The following NASP variants were observed in gnomAD, a reference collection of about 807,000 sequenced individuals.
NASP encodes the protein NASP histone chaperone.
A neutral mutation model predicts 89.5 loss-of-function variants in NASP; 24 were observed. The ratio of observed to expected loss-of-function variants is 0.27; its 90% CI spans 0.19 to 0.38. The LOEUF (loss-of-function observed/expected upper bound fraction) is 0.38. Ranked by LOEUF, NASP falls within the 10% of genes least tolerant of loss-of-function variation. The probability of loss-of-function intolerance (pLI) is 1.00; values close to 1 mark genes in which losing one functional copy is unlikely to be tolerated. For missense variants in NASP, 848 were observed against 921.4 expected (o/e 0.92, Z 1.03); for synonymous variants, 306 against 324.7 (o/e 0.94, Z 0.62).
Position 45,584,464 on chromosome 1 carries a change from T to A in NASP, c.59+259T>A, listed in dbSNP as rs930918706. On this transcript the variant is annotated intron_variant, in intron 1 of 14. Transcript: ENST00000350030. ...ATCTTGCCGGGGGCAGCGGCGGCTG[T>A]ATCCTTCGCCTGCCCCTCTCCTTCC... Among the ~76,000 whole-genome samples, 76 of 152,254 alleles carry A rather than the reference T, an allele frequency of 5.0e-4. 1 individual carries two copies. Among genetic ancestry groups the A allele is most frequent in the Admixed American group, 1.0e-3 (16 of 15,298 alleles).
chr1:45,605,066 C>G, intron 4 of NASP, 50 bp downstream of exon 4: 1 of 1,409,580 alleles, frequency 7.1e-7, no homozygotes, highest in Non-Finnish European at 1.0e-6. Context: ...AGATTGTTTA[C>G]TAGCTTTGAG....
At position 45,617,581 on chromosome 1, in the gene NASP, T is replaced by TGGA. The variant is rs773590031; in HGVS notation, c.2285_2286+1dup. On this transcript the variant is annotated inframe_insertion, in exon 14 of 15. Coordinates refer to ENST00000350030, the MANE Select transcript of NASP (RefSeq NM_002482.4). ...AGTGGAAATGAAGTTTCGGAAAACA[T>TGGA]GGAGGAGGAGGTGGGCAGTTAAGCA... 4.4e-6 allele frequency: 7 copies of TGGA among 1,592,566 alleles called. No homozygotes were observed. Among genetic ancestry groups the TGGA allele is most frequent in the Non-Finnish European group, 5.1e-6 (6 of 1,172,084 alleles).
chr1:45,606,919 C>G (rs920040259), intron 5 of NASP, among the ~76,000 whole-genome samples: 1 of 152,040 alleles, frequency 6.6e-6, no homozygotes, highest in Non-Finnish European at 1.5e-5. Context: ...TTTTAAACAG[C>G]CTGTGCAGTT....
At chr1:45,612,545 T>TA (rs1644033048) in intron 6 of NASP, 1 of 152,228 alleles carries the variant, frequency 6.6e-6, no homozygotes, top group African/African-American at 2.4e-5. Flanking sequence ...CTGCAGATTT[T>TA]AGAGGTGTCA....
At chr1:45,598,851 GTAA>G (rs1046851512) in intron 2 of NASP, among the ~76,000 whole-genome samples, 3 of 152,076 alleles carry the variant, frequency 2.0e-5, no homozygotes, top group African/African-American at 7.2e-5. Flanking sequence ...TAAAGTGGGG[GTAA>G]TAATTCAATA....
At chr1:45,601,990 G>A (rs540200714) in intron 2 of NASP, among the ~76,000 whole-genome samples, 1 of 151,982 alleles carries the variant, frequency 6.6e-6, no homozygotes, top group Non-Finnish European at 1.5e-5. Flanking sequence ...CTGACCTCGT[G>A]GTCTGCCCGC....
At chr1:45,598,044 A>AC (rs1222550067) in intron 2 of NASP, among the ~76,000 whole-genome samples, 2 of 152,064 alleles carry the variant, frequency 1.3e-5, no homozygotes, top group African/African-American at 4.8e-5. Context: ...GTTTTTCTCT[A>AC]CCATTCTACT....
At chr1:45,586,697 AAG>A in intron 1 of NASP, among the ~76,000 whole-genome samples, 1 of 152,292 alleles carries the variant, frequency 6.6e-6, no homozygotes, top group Non-Finnish European at 1.5e-5. Flanking sequence ...CTTAGAGGTA[AAG>A]TTTATAAGGT....
chr1:45,591,152 ATTTAT>A (rs1420045420), intron 1 of NASP, 66 bp from the exon 2 acceptor site: 11 of 926,274 alleles, frequency 1.2e-5, no homozygotes, highest in African/African-American at 3.5e-5. Context: ...ATTTTTCTGA[ATTTAT>A]TTTATTTTCA....
chr1:45,598,429 T>C (rs1221083007), intron 2 of NASP, among the ~76,000 whole-genome samples: 1 of 152,190 alleles, frequency 6.6e-6, no homozygotes, highest in Non-Finnish European at 1.5e-5. Context: ...TTCTTGTCTC[T>C]TTTCCTTCAC....
At chr1:45,608,527 T>G (rs1332651326) in intron 6 of NASP, 190 bp downstream of exon 6, 18 of 619,470 alleles carry the variant, frequency 2.9e-5, no homozygotes, top group East Asian at 2.0e-4. Flanking sequence ...GCAGCAAGTC[T>G]TCTTTAGCTG....
At chr1:45,595,670 T>C (rs1643678377) in intron 2 of NASP, among the ~76,000 whole-genome samples, 1 of 152,234 alleles carries the variant, frequency 6.6e-6, no homozygotes. Flanking sequence ...AAACCTGCTG[T>C]TACCTTAACA....
At chr1:45,616,584 CAT>C (rs750163902) in intron 12 of NASP, 40 bp from the exon 13 acceptor site, 144 of 1,584,394 alleles carry the variant, frequency 9.1e-5, no homozygotes, top group South Asian at 2.2e-5. Flanking sequence ...GCATTGATCT[CAT>C]ATAGCTTGTA....
chr1:45,606,690 C>A, intron 5 of NASP, 99 bp downstream of exon 5: 1 of 765,956 alleles, frequency 1.3e-6, no homozygotes, highest in Non-Finnish European at 2.1e-6. Flanking sequence ...ATGGTCTCTC[C>A]TAAGATGCTT....
At chr1:45,612,155 G>A (rs1401421757) in intron 6 of NASP, 3 of 152,070 alleles carry the variant, frequency 2.0e-5, no homozygotes, top group African/African-American at 7.3e-5. Context: ...TTACAGGCGT[G>A]AGTCACCGCG....
chr1:45,584,274 G>A, intron 1 of NASP, 69 bp downstream of exon 1: 8 of 1,441,520 alleles, frequency 5.5e-6, no homozygotes, highest in Non-Finnish European at 6.7e-6. Context: ...CGGGGGCTCC[G>A]GAGAAGGGGC....
chr1:45,609,705 CATCTG>C (rs568712819), intron 6 of NASP: 13 of 152,308 alleles, frequency 8.5e-5, no homozygotes, highest in African/African-American at 3.1e-4. Context: ...TCATACATTA[CATCTG>C]ATCCTAAAAC....
intron 4 of NASP, 140 bp downstream of exon 4, chr1:45,605,156 G>T: frequency 1.5e-6 from 1 of 680,598 alleles, no homozygotes. Flanking sequence ...GTTGTGAATG[G>T]CACTTGATAC....
chr1:45,584,748 C>T (rs1404800880), intron 1 of NASP, among the ~76,000 whole-genome samples: 4 of 152,014 alleles, frequency 2.6e-5, no homozygotes, highest in Non-Finnish European at 5.9e-5. Flanking sequence ...GGCCCTGGGG[C>T]AGGGGGCGGG....
Sources: gnomAD v4.1 joint callset for allele counts (sites outside exome capture counted in the v4.1 genomes callset) on GRCh38, gnomAD v4.1.1 for gene constraint, MANE v1.5 for transcripts, NCBI Gene and HGNC (gene_info 2026-07-23, HGNC 2026-07-21) for gene names.